Variants in SLC9A9 observed in about 807,000 individuals in gnomAD.
SLC9A9 encodes sodium/hydrogen exchanger 9.
SLC9A9 carries 62 observed loss-of-function variants against 77.8 expected under a neutral mutation model. That is an observed-to-expected ratio of 0.80 (90% CI 0.65 to 0.98). The LOEUF is 0.98. Among genes scored for constraint, SLC9A9 ranks in the 50% least tolerant of loss-of-function variants. The probability of loss-of-function intolerance (pLI) is 0.00; values close to 1 mark genes in which losing one functional copy is unlikely to be tolerated. For missense variants in SLC9A9, 775 were observed against 774.9 expected (o/e 1.00, Z 0.00); for synonymous variants, 320 against 283.5 (o/e 1.13, Z -1.29).
At chr3:143,829,506 G>A (rs1365411554) in intron 2 of SLC9A9, among the ~76,000 whole-genome samples, 2 of 152,082 alleles carry the variant, frequency 1.3e-5, no homozygotes, top group African/African-American at 4.8e-5. Flanking sequence ...AGAAGCTTAT[G>A]TAACCAGCTC....
intron 4 of SLC9A9, among the ~76,000 whole-genome samples, chr3:143,784,296 A>T (rs1001740068): frequency 1.3e-5 from 2 of 152,166 alleles, no homozygotes; most frequent in Admixed American, 1.3e-4. Context: ...TCCCACACAA[A>T]TTTTATACCC....
At chr3:143,407,018 C>T (rs2033996774) in intron 12 of SLC9A9, among the ~76,000 whole-genome samples, 1 of 149,882 alleles carries the variant, frequency 6.7e-6, no homozygotes, top group African/African-American at 2.4e-5. Flanking sequence ...GAAAAAATAC[C>T]AAATTAATAT....
At chr3:143,757,855 G>A (rs2006975980) in intron 4 of SLC9A9, among the ~76,000 whole-genome samples, 2 of 152,054 alleles carry the variant, frequency 1.3e-5, no homozygotes, top group South Asian at 4.1e-4. Context: ...GAGGTTGGCA[G>A]GAAATGTGAA....
intron 6 of SLC9A9, among the ~76,000 whole-genome samples, chr3:143,634,735 A>T (rs59945058): frequency 6.6e-6 from 1 of 151,828 alleles, no homozygotes. Context: ...TTTGTCTACA[A>T]TTTTTCTGAA....
At chr3:143,656,505 T>C (rs1348897439) in intron 5 of SLC9A9, among the ~76,000 whole-genome samples, 1 of 152,178 alleles carries the variant, frequency 6.6e-6, no homozygotes, top group Admixed American at 6.5e-5. Context: ...TCCAAGTCTT[T>C]AGGGTGATTT....
chr3:143,812,648 A>G (rs2108873170), intron 2 of SLC9A9, among the ~76,000 whole-genome samples: 1 of 152,322 alleles, frequency 6.6e-6, no homozygotes, highest in South Asian at 2.1e-4. Context: ...AATAATATTT[A>G]TCACTTCCTA....
Position 143,382,111 on chromosome 3 carries a change from A to G in SLC9A9, c.1473T>C (p.Val491=). 1 of 1,614,116 alleles carries G rather than the reference A, an allele frequency of 6.2e-7. No individual in the cohort carries two copies. The change falls in exon 13 of 16, where the codon GTT becomes GTC. Residue 491 remains valine, a synonymous_variant. Transcript: ENST00000316549. ...TCAGATTTTCATCCAGGTCCACGCC[A>G]ACTCTGTTAAACAAAACCAAAAACT... ...TPMLTWLQIR[V]GVDLDENLKE... is the part of the protein sequence containing the mutation.
chr3:143,640,033 T>TTTTTTTTTG (rs2038595780), intron 6 of SLC9A9, among the ~76,000 whole-genome samples: 1 of 98,714 alleles, frequency 1.0e-5, no homozygotes, highest in South Asian at 3.2e-4. Flanking sequence ...TTTTTTTTTT[T>TTTTTTTTTG]TTTTTTGAGA....
chr3:143,593,321 T>G (rs2037687794), intron 6 of SLC9A9, among the ~76,000 whole-genome samples: 1 of 152,186 alleles, frequency 6.6e-6, no homozygotes. Flanking sequence ...ATTGATCAGG[T>G]TTTCTTTTGT....
intron 12 of SLC9A9, among the ~76,000 whole-genome samples, chr3:143,390,161 T>G (rs11707857): frequency 0.31 from 47,463 of 152,158 alleles, 7,570 homozygotes; most frequent in Non-Finnish European, 0.35. Flanking sequence ...ATATGCCATT[T>G]ACTTTTCTCC....
chr3:143,323,089 G>A (rs2031472211), intron 14 of SLC9A9, among the ~76,000 whole-genome samples: 1 of 152,184 alleles, frequency 6.6e-6, no homozygotes, highest in Non-Finnish European at 1.5e-5. Context: ...AAATGTTGGT[G>A]AGGATTTGGA....
intron 4 of SLC9A9, among the ~76,000 whole-genome samples, chr3:143,710,361 G>A (rs751897162): frequency 6.6e-6 from 1 of 152,170 alleles, no homozygotes; most frequent in African/African-American, 2.4e-5. Context: ...ACACATGCAT[G>A]GTTGTGTTTT....
chr3:143,765,046 TTTC>T (rs774362148), intron 4 of SLC9A9, among the ~76,000 whole-genome samples: 1 of 150,962 alleles, frequency 6.6e-6, no homozygotes, highest in Non-Finnish European at 1.5e-5. Flanking sequence ...TCTCTTTCTT[TTTC>T]TTTCTTTCTT....
chr3:143,453,226 A>T (rs2035037314), intron 12 of SLC9A9, among the ~76,000 whole-genome samples: 1 of 152,106 alleles, frequency 6.6e-6, no homozygotes, highest in Non-Finnish European at 1.5e-5. Flanking sequence ...ACACACCATT[A>T]AAAATGACTG....
At chr3:143,514,107 G>C (rs536239540) in intron 9 of SLC9A9, among the ~76,000 whole-genome samples, 2 of 151,258 alleles carry the variant, frequency 1.3e-5, no homozygotes, top group Non-Finnish European at 2.9e-5. Flanking sequence ...TTGGTTTTTT[G>C]TCCTTACAAT....
intron 14 of SLC9A9, among the ~76,000 whole-genome samples, chr3:143,347,678 C>A (rs986940400): frequency 6.6e-6 from 1 of 152,072 alleles, no homozygotes; most frequent in African/African-American, 2.4e-5. Flanking sequence ...ACAAAAAGAC[C>A]ACCAATATTG....
chr3:143,363,683 C>T, intron 13 of SLC9A9, 120 bp from the exon 14 acceptor site: 1 of 852,592 alleles, frequency 1.2e-6, no homozygotes, highest in Non-Finnish European at 1.8e-6. Flanking sequence ...TAAGTATAGG[C>T]ATTTTCATCT....
At chr3:143,727,075 T>C (rs1037959167) in intron 4 of SLC9A9, among the ~76,000 whole-genome samples, 2 of 151,940 alleles carry the variant, frequency 1.3e-5, no homozygotes, top group Admixed American at 1.3e-4. Flanking sequence ...TCCCTAATGA[T>C]AGGACAAAAT....
At chr3:143,430,954 G>A (rs1478296543) in intron 12 of SLC9A9, among the ~76,000 whole-genome samples, 6 of 152,168 alleles carry the variant, frequency 3.9e-5, no homozygotes, top group Admixed American at 3.9e-4. Context: ...ACCAGCACAA[G>A]CCATTACAAC....
Sources: allele counts gnomAD v4.1 joint callset (sites outside exome capture counted in the v4.1 genomes callset), GRCh38; gene constraint gnomAD v4.1.1; transcripts MANE v1.5; gene names NCBI Gene and HGNC (gene_info 2026-07-23, HGNC 2026-07-21).